Variants in ANKS1A observed in about 807,000 individuals in gnomAD.
ANKS1A encodes the protein ankyrin repeat and SAM domain-containing protein 1A.
A neutral mutation model predicts 120.3 loss-of-function variants in ANKS1A; 55 were observed. The observed-to-expected ratio is 0.46, with a 90% CI of 0.37 to 0.57. The LOEUF is 0.57. Ranked by LOEUF, ANKS1A falls within the 20% of genes least tolerant of loss-of-function variation. The pLI is 0.00. For synonymous variants in ANKS1A, 590 were observed against 604.7 expected (o/e 0.98, Z 0.36); for missense variants, 1,123 against 1,480.3 (o/e 0.76, Z 3.96).
chr6:34,975,999 G>A (rs551171583), intron 3 of ANKS1A, among the ~76,000 whole-genome samples: 47 of 151,706 alleles, frequency 3.1e-4, no homozygotes, highest in Non-Finnish European at 4.4e-4. Context: ...TTAGCTAGGC[G>A]TGCTGGTGCA....
Position 35,082,703 on chromosome 6 carries a change from G to A in ANKS1A, c.2722G>A (p.Glu908Lys). The A allele has an allele frequency of 1.2e-6, 2 of 1,611,212 alleles. No homozygotes were observed. Among genetic ancestry groups the A allele is most frequent in the Non-Finnish European group, 1.7e-6 (2 of 1,178,668 alleles). Residue 908 changes from glutamate to lysine, a missense_variant, in exon 18 of 24, where the codon GAG (glutamate) becomes AAG (lysine). Physicochemically the swap from Glu to Lys is moderately conservative, Grantham distance 56. Around this residue, in one of 3 missense-constraint regions of ANKS1A, gnomAD observed 904 missense variants for 1,130.4 expected, o/e 0.80. Transcript: ENST00000360359. This position sits in a 1 kb window ranked among gnomAD's most constrained non-coding sequence, Gnocchi z 4.1. ...ERFRIQEEHR[E>K]AKLTLRPPSL... ...GTGTGTTTCGCAGGAGGAGCACCGT[G>A]AGGCCAAGCTGACCCTGCGGCCCCC...
chr6:34,961,690 C>T (rs1770647992), intron 1 of ANKS1A, among the ~76,000 whole-genome samples: 1 of 152,106 alleles, frequency 6.6e-6, no homozygotes, highest in South Asian at 2.1e-4. Context: ...TTTCAGGGCT[C>T]CTTGGGGACA....
intron 3 of ANKS1A, among the ~76,000 whole-genome samples, chr6:34,976,127 ACT>A (rs1407995647): frequency 4.7e-5 from 4 of 84,546 alleles, no homozygotes; most frequent in Non-Finnish European, 1.1e-4. Flanking sequence ...GACAGAGGAG[ACT>A]CCATCTCAAA....
rs890896688 is a variant in ANKS1A at position 35,039,449 on chromosome 6, A to G, written c.2011-14650A>G. On this transcript the variant is annotated intron_variant, in intron 11 of 23. Transcript: ENST00000360359. ...CGACCTCAGGTGATCCGCCCACCTCAGCCTCCCAAAGTGCTGGGATTACAG... is the reference window on the plus strand; with the variant it reads ...CGACCTCAGGTGATCCGCCCACCTCGGCCTCCCAAAGTGCTGGGATTACAG... 2.7e-4 allele frequency: 105 copies of G among 388,318 alleles called. 1 individual carries two copies. The highest frequency in any genetic ancestry group is 1.1e-3 in the Admixed American group (37 of 35,194). 24.1% of individuals were successfully genotyped at this position (388,318 alleles called of 1,614,324 possible).
At chr6:34,909,978 A>C (rs1767830659) in intron 1 of ANKS1A, among the ~76,000 whole-genome samples, 1 of 152,214 alleles carries the variant, frequency 6.6e-6, no homozygotes, top group Non-Finnish European at 1.5e-5. Flanking sequence ...TGGAGTAGAA[A>C]GAGATTAGCT....
At chr6:34,996,020 G>A (rs1263156676) in intron 10 of ANKS1A, among the ~76,000 whole-genome samples, 3 of 152,116 alleles carry the variant, frequency 2.0e-5, no homozygotes, top group African/African-American at 7.2e-5. Context: ...ATTTTCCAGA[G>A]TGATTATACC....
chr6:35,006,741 C>T (rs571018212), intron 10 of ANKS1A, among the ~76,000 whole-genome samples: 108 of 152,136 alleles, frequency 7.1e-4, no homozygotes, highest in Middle Eastern at 3.4e-3. Context: ...GGTGACAGAG[C>T]GAGACTCCGT....
At chr6:34,959,879 T>C (rs1013434851) in intron 1 of ANKS1A, among the ~76,000 whole-genome samples, 1 of 152,206 alleles carries the variant, frequency 6.6e-6, no homozygotes. Context: ...TCTGATCACC[T>C]CAGTTTAGCC....
At chr6:34,952,552 A>C (rs1230659630) in intron 1 of ANKS1A, among the ~76,000 whole-genome samples, 1 of 152,218 alleles carries the variant, frequency 6.6e-6, no homozygotes, top group Non-Finnish European at 1.5e-5. Context: ...TGACAGATAG[A>C]CAAATACACA....
chr6:34,981,727 A>G lies in ANKS1A; in HGVS notation c.473A>G (p.Gln158Arg), dbSNP rs973067545. The change falls in exon 4 of 24, where the codon CAG (glutamine) becomes CGG (arginine). Residue 158 changes from glutamine to arginine, a missense_variant. Physicochemically the swap from Gln to Arg is conservative, Grantham distance 43. Around this residue, in one of 3 missense-constraint regions of ANKS1A, gnomAD observed 146 missense variants for 267.8 expected, o/e 0.55. Coordinates refer to ENST00000360359, the MANE Select transcript of ANKS1A (RefSeq NM_015245.3). Reference sequence around the variant, plus strand: ...GAGACAGCCCTGCATTGTGCAGCGCAGTATGGCCACACAGAGGTGGTGAAG... The same window carrying G: ...GAGACAGCCCTGCATTGTGCAGCGCGGTATGGCCACACAGAGGTGGTGAAG... ...DNETALHCAA[Q>R]YGHTEVVKVL... The G allele has an allele frequency of 6.2e-7, 1 of 1,614,172 alleles. No individual in the cohort carries two copies. The highest frequency in any genetic ancestry group is 8.5e-7 in the Non-Finnish European group (1 of 1,180,026).
chr6:35,096,287 C>T (rs1778468403), downstream of ANKS1A, among the ~76,000 whole-genome samples: 1 of 152,176 alleles, frequency 6.6e-6, no homozygotes, highest in Admixed American at 6.5e-5. Flanking sequence ...ACACTACATC[C>T]CTCCCTCCTG....
Position 34,982,630 on chromosome 6 carries a change from C to A in ANKS1A, c.733-122C>A. 2.0e-6 allele frequency: 2 copies of A among 986,462 alleles called. No homozygotes were observed. The highest frequency in any genetic ancestry group is 1.6e-6 in the Non-Finnish European group (1 of 636,540). The allele number at this position is 986,462 out of a possible 1,614,324, so 61.1% of individuals were successfully genotyped here. On this transcript the variant is annotated intron_variant, in intron 4 of 23. Transcript: ENST00000360359. This position sits in a 1 kb window ranked among gnomAD's most constrained non-coding sequence, Gnocchi z 4.9. The stretch of plus-strand genomic sequence containing the variant: ...ACAAGAAAAGCTGGAAAGATAATGA[C>A]AGAGGGCTTTGTGTAGTTTGTTTTA...
intron 3 of ANKS1A, among the ~76,000 whole-genome samples, chr6:34,977,208 T>C (rs1771646823): frequency 1.3e-5 from 2 of 152,352 alleles, no homozygotes; most frequent in South Asian, 4.1e-4. Flanking sequence ...GTTTGATATT[T>C]CCTTATGATT....
chr6:34,952,124 G>T (rs746505195), intron 1 of ANKS1A, among the ~76,000 whole-genome samples: 4 of 152,172 alleles, frequency 2.6e-5, no homozygotes, highest in African/African-American at 9.7e-5. Context: ...CTAGCTCTGC[G>T]ACCCTGGGTA....
At chr6:34,910,043 A>G (rs952190093) in intron 1 of ANKS1A, among the ~76,000 whole-genome samples, 5 of 152,218 alleles carry the variant, frequency 3.3e-5, no homozygotes, top group Admixed American at 2.6e-4. Flanking sequence ...TTACATTGAC[A>G]GTAGTTATGG....
At chr6:34,979,150 C>T (rs906055694) in intron 3 of ANKS1A, among the ~76,000 whole-genome samples, 39 of 152,234 alleles carry the variant, frequency 2.6e-4, no homozygotes, top group Non-Finnish European at 4.7e-4. Flanking sequence ...CTGCCTCAGC[C>T]TTCCAAAGTG....
chr6:34,961,808 T>C (rs1251361190), intron 1 of ANKS1A, among the ~76,000 whole-genome samples: 1 of 152,210 alleles, frequency 6.6e-6, no homozygotes, highest in East Asian at 1.9e-4. Context: ...TCTTTCTCAG[T>C]TCTTCTTAAT....
At position 35,088,985 on chromosome 6, in the gene ANKS1A, G is replaced by C. The variant is rs1211190038; in HGVS notation, c.*376G>C. On this transcript the variant is annotated 3_prime_UTR_variant, in exon 24 of 24. Transcript: ENST00000360359. ...ACAAATGGCCATGGGGCAGAGGACA[G>C]GGGAGCTGAGGTTGGTTCAGAGGCC... The C allele has an allele frequency of 1.7e-6, 2 of 1,193,294 alleles. No homozygotes were observed. Among genetic ancestry groups the C allele is most frequent in the Non-Finnish European group, 2.1e-6 (2 of 950,882 alleles). 73.9% of individuals were successfully genotyped at this position (1,193,294 alleles called of 1,614,324 possible).
At chr6:35,096,167 T>A (rs1778465090), downstream of ANKS1A, among the ~76,000 whole-genome samples, 1 of 152,212 alleles carries the variant, frequency 6.6e-6, no homozygotes, top group Admixed American at 6.5e-5. Flanking sequence ...TGAGTTGCCT[T>A]TTCCAGCCAG....
Sources: gnomAD v4.1 joint callset for allele counts (sites outside exome capture counted in the v4.1 genomes callset) on GRCh38, gnomAD v4.1.1 for gene constraint, gnomAD v4.1.1 regional missense constraint, Gnocchi (gnomAD v3.1) non-coding constraint, MANE v1.5 for transcripts, NCBI Gene and HGNC (gene_info 2026-07-23, HGNC 2026-07-21) for gene names.